Variants in RAPGEF4 observed in about 807,000 individuals in gnomAD.
RAPGEF4 encodes RAP guanine-nucleotide-exchange factor (GEF) 4.
Under a neutral mutation model 147.9 loss-of-function variants are expected in RAPGEF4, and 66 were observed. The ratio of observed to expected loss-of-function variants is 0.45; its 90% CI spans 0.37 to 0.55. RAPGEF4 has a LOEUF of 0.55. Ranked by LOEUF, RAPGEF4 falls within the 20% of genes least tolerant of loss-of-function variation. The probability of loss-of-function intolerance (pLI) is 0.00; values close to 1 mark genes in which losing one functional copy is unlikely to be tolerated. For missense variants in RAPGEF4, 1,071 were observed against 1,257.3 expected, an observed-to-expected ratio of 0.85 and a Z score of 2.24; for synonymous variants, 419 against 442.7, an observed-to-expected ratio of 0.95 and a Z score of 0.67.
chr2:172,933,974 A>G (rs915545105), intron 6 of RAPGEF4, among the ~76,000 whole-genome samples: 1 of 152,106 alleles, frequency 6.6e-6, no homozygotes, highest in East Asian at 1.9e-4. Context: ...TATTCTCTTA[A>G]TTAGTTTAAT....
intron 4 of RAPGEF4, among the ~76,000 whole-genome samples, chr2:172,914,998 A>T (rs917182174): frequency 6.6e-6 from 1 of 152,226 alleles, no homozygotes; most frequent in African/African-American, 2.4e-5. Flanking sequence ...CAATTTTCTG[A>T]TACAGGTTTT....
At chr2:172,913,000 A>G (rs1321086970) in intron 4 of RAPGEF4, among the ~76,000 whole-genome samples, 1 of 150,000 alleles carries the variant, frequency 6.7e-6, no homozygotes, top group Non-Finnish European at 1.5e-5. Flanking sequence ...GGTTCAAGCA[A>G]TTCTCCTGCC....
At chr2:172,791,194 T>C (rs1685788178) in intron 1 of RAPGEF4, among the ~76,000 whole-genome samples, 1 of 152,186 alleles carries the variant, frequency 6.6e-6, no homozygotes, top group Admixed American at 6.5e-5. Context: ...TTCTGACCCA[T>C]GAGTTTTGAG....
At chr2:172,782,907 C>A (rs927733274) in intron 1 of RAPGEF4, among the ~76,000 whole-genome samples, 1 of 152,092 alleles carries the variant, frequency 6.6e-6, no homozygotes, top group African/African-American at 2.4e-5. Flanking sequence ...TGGTGGAGAG[C>A]CTTTGCCAAG....
In RAPGEF4 at chr2:172,869,652, A is replaced by T. The variant is rs186589884; in HGVS notation, c.445-48150A>T. Among the ~76,000 whole-genome samples, 410 of 152,284 alleles carry T rather than the reference A, an allele frequency of 2.7e-3. 2 individuals are homozygous for T. The highest frequency in any genetic ancestry group is 9.5e-3 in the African/African-American group (393 of 41,548). ...TGATTTTTATTATGCACAACCATACAATATTGCTGATATTTGACTCTACTT... is the reference window on the plus strand; with the variant it reads ...TGATTTTTATTATGCACAACCATACTATATTGCTGATATTTGACTCTACTT... On this transcript the variant is annotated intron_variant, in intron 4 of 30. Coordinates refer to ENST00000397081, the MANE Select transcript of RAPGEF4 (RefSeq NM_007023.4).
intron 10 of RAPGEF4, among the ~76,000 whole-genome samples, chr2:172,978,099 A>T (rs1018327220): frequency 6.6e-6 from 1 of 152,172 alleles, no homozygotes; most frequent in African/African-American, 2.4e-5. Flanking sequence ...AGGAGTCCCC[A>T]TGGAAGCCTC....
chr2:172,997,294 G>T (rs1693464765), intron 16 of RAPGEF4, among the ~76,000 whole-genome samples: 1 of 152,138 alleles, frequency 6.6e-6, no homozygotes. Flanking sequence ...CTCTGTGCCT[G>T]TCTGTCTCTG....
intron 10 of RAPGEF4, among the ~76,000 whole-genome samples, chr2:172,978,370 C>T (rs562007266): frequency 6.6e-6 from 1 of 152,342 alleles, no homozygotes; most frequent in African/African-American, 2.4e-5. Flanking sequence ...AGAGCCCTTC[C>T]CTGCTCTTCC....
intron 4 of RAPGEF4, among the ~76,000 whole-genome samples, chr2:172,828,817 G>A (rs1689973438): frequency 6.6e-6 from 1 of 152,178 alleles, no homozygotes; most frequent in Non-Finnish European, 1.5e-5. Context: ...AATCACATCA[G>A]GAGGGAATCA....
intron 3 of RAPGEF4, among the ~76,000 whole-genome samples, chr2:172,805,584 A>G (rs1687412303): frequency 6.6e-6 from 1 of 152,176 alleles, no homozygotes; most frequent in African/African-American, 2.4e-5. Context: ...GGACCTGCCC[A>G]CAGACCACTT....
chr2:172,865,233 C>T (rs1049518312), intron 4 of RAPGEF4, among the ~76,000 whole-genome samples: 2 of 152,220 alleles, frequency 1.3e-5, no homozygotes, highest in African/African-American at 2.4e-5. Context: ...CTCCCCAACA[C>T]CCATTTGAAG....
chr2:172,775,465 AATC>A (rs1684070377), intron 1 of RAPGEF4, among the ~76,000 whole-genome samples: 1 of 152,222 alleles, frequency 6.6e-6, no homozygotes, highest in African/African-American at 2.4e-5. Flanking sequence ...ATCCCTAACT[AATC>A]ATAATCCCTG....
chr2:172,914,839 C>G (rs900032450), intron 4 of RAPGEF4, among the ~76,000 whole-genome samples: 1 of 152,086 alleles, frequency 6.6e-6, no homozygotes, highest in Non-Finnish European at 1.5e-5. Flanking sequence ...AATTATATTG[C>G]GCTGTAGTTT....
intron 29 of RAPGEF4, among the ~76,000 whole-genome samples, chr2:173,038,818 C>T (rs1485229075): frequency 6.6e-6 from 1 of 152,056 alleles, no homozygotes; most frequent in East Asian, 1.9e-4. Flanking sequence ...CAAATAAGAA[C>T]AGCAAGGTAT....
chr2:172,769,523 A>C (rs1039375023), intron 1 of RAPGEF4, among the ~76,000 whole-genome samples: 2 of 152,122 alleles, frequency 1.3e-5, no homozygotes, highest in Admixed American at 1.3e-4. Flanking sequence ...AGATTCATAC[A>C]GTTGAATATC....
At position 173,052,870 on chromosome 2, in the gene RAPGEF4, CTAAA is replaced by C. The variant is rs1686379734; in HGVS notation, c.*1106_*1109del. On this transcript the variant is annotated 3_prime_UTR_variant, in exon 31 of 31. Transcript: ENST00000397081. ...CTGTAAATAACATCTAGTATCTTCA[CTAAA>C]TATAATTGTCGACAAGAAATGGTTG... is the stretch of plus-strand genomic sequence containing the variant. 1 of 151,932 alleles carries C rather than the reference CTAAA, an allele frequency of 6.6e-6. No homozygotes were observed. Among genetic ancestry groups the C allele is most frequent in the South Asian group, 2.1e-4 (1 of 4,822 alleles). 9.4% of individuals were successfully genotyped at this position (151,932 alleles called of 1,614,324 possible).
intron 3 of RAPGEF4, 50 bp from the exon 4 acceptor site, chr2:172,814,229 T>G (rs1688289928): frequency 6.3e-7 from 1 of 1,588,306 alleles, no homozygotes; most frequent in Non-Finnish European, 8.6e-7. Flanking sequence ...AGAAAACACC[T>G]ACCCATTAGA....
intron 4 of RAPGEF4, among the ~76,000 whole-genome samples, chr2:172,838,158 T>C (rs1691168703): frequency 6.6e-6 from 1 of 152,162 alleles, no homozygotes; most frequent in African/African-American, 2.4e-5. Context: ...TTGCTACATA[T>C]CATTTCCTAC....
intron 1 of RAPGEF4, among the ~76,000 whole-genome samples, chr2:172,755,276 C>T (rs1419264972): frequency 1.3e-5 from 2 of 152,054 alleles, no homozygotes; most frequent in African/African-American, 2.4e-5. Context: ...GATTAAATGA[C>T]CAAAGAGGAA....
Sources: allele counts gnomAD v4.1 joint callset (sites outside exome capture counted in the v4.1 genomes callset), GRCh38; gene constraint gnomAD v4.1.1; transcripts MANE v1.5; gene names NCBI Gene and HGNC (gene_info 2026-07-23, HGNC 2026-07-21).